Variants in RIN3 observed in about 807,000 individuals in gnomAD.
RIN3 encodes RAB5 interacting protein 3.
In RIN3, 54 loss-of-function variants were observed where a neutral mutation model predicts 76.3. That is an observed-to-expected ratio of 0.71 (90% CI 0.57 to 0.89). The LOEUF (loss-of-function observed/expected upper bound fraction) is 0.89, where lower values mean the gene tolerates loss of function less well. Among genes scored for constraint, RIN3 ranks in the 40% least tolerant of loss-of-function variants. RIN3 has a pLI of 0.00. For synonymous variants in RIN3, 576 were observed against 564.0 expected (o/e 1.02, Z -0.30); for missense variants, 1,256 against 1,322.1 (o/e 0.95, Z 0.78).
intron 6 of RIN3, among the ~76,000 whole-genome samples, chr14:92,653,487 C>T (rs905685512): frequency 1.7e-4 from 26 of 152,258 alleles, no homozygotes; most frequent in African/African-American, 5.8e-4. Context: ...CTTCCCACTG[C>T]GCTCACTCTC....
Position 92,643,023 on chromosome 14 carries a change from C to T in RIN3, c.532+1694C>T, listed in dbSNP as rs1015315956. On this transcript the variant is annotated intron_variant, in intron 5 of 9. Coordinates refer to ENST00000216487, the MANE Select transcript of RIN3 (RefSeq NM_024832.5). The surrounding 1 kb of genome is among the most constrained non-coding windows in gnomAD (Gnocchi z 4.8). Reference sequence around the variant, plus strand: ...GCTTGGATGAACCCAGGCCGTTTAGCTCCCACACCTGCCATCGTCTCATGG... The same window carrying T: ...GCTTGGATGAACCCAGGCCGTTTAGTTCCCACACCTGCCATCGTCTCATGG... Among the ~76,000 whole-genome samples, 2 of 152,122 alleles carry T rather than the reference C, an allele frequency of 1.3e-5. No individual in the cohort carries two copies. The highest frequency in any genetic ancestry group is 2.4e-5 in the African/African-American group (1 of 41,420).
At chr14:92,529,438 C>T (rs367669843) in intron 1 of RIN3, among the ~76,000 whole-genome samples, 116 of 151,998 alleles carry the variant, frequency 7.6e-4, no homozygotes, top group Middle Eastern at 6.8e-3. Flanking sequence ...TTAGTAGAGA[C>T]GGGGTTTCAC....
At chr14:92,519,737 T>A (rs990843921) in intron 1 of RIN3, among the ~76,000 whole-genome samples, 2 of 152,206 alleles carry the variant, frequency 1.3e-5, no homozygotes, top group Non-Finnish European at 2.9e-5. Context: ...GCAGTGACGC[T>A]GTGTGCCTCC....
intron 3 of RIN3, among the ~76,000 whole-genome samples, chr14:92,606,489 G>A (rs139092989): frequency 6.6e-6 from 1 of 152,262 alleles, no homozygotes; most frequent in African/African-American, 2.4e-5. Flanking sequence ...AGGCTACAGT[G>A]AGCCATGATC....
At chr14:92,552,483 G>A (rs1354915331) in intron 1 of RIN3, among the ~76,000 whole-genome samples, 2 of 152,108 alleles carry the variant, frequency 1.3e-5, no homozygotes, top group Non-Finnish European at 1.5e-5. Flanking sequence ...TTGTACATGT[G>A]GATTTAGGGC....
At chr14:92,621,220 AGC>A (rs1307981079) in intron 4 of RIN3, among the ~76,000 whole-genome samples, 1 of 98,710 alleles carries the variant, frequency 1.0e-5, no homozygotes, top group African/African-American at 4.2e-5. Flanking sequence ...TGGGTGACAG[AGC>A]GAGACTCCGT....
chr14:92,574,937 C>G (rs912764086), intron 2 of RIN3, among the ~76,000 whole-genome samples: 13 of 152,058 alleles, frequency 8.5e-5, no homozygotes, highest in Non-Finnish European at 1.5e-4. Flanking sequence ...TCAGCTCCAC[C>G]ACCTACAACC....
chr14:92,558,911 CAG>C (rs1332598028), intron 2 of RIN3, among the ~76,000 whole-genome samples: 48 of 124,776 alleles, frequency 3.8e-4, no homozygotes, highest in African/African-American at 1.4e-3. Context: ...TTTGGTGAGA[CAG>C]AGTCTTGCAG....
chr14:92,593,875 A>G (rs1484353670), intron 3 of RIN3, among the ~76,000 whole-genome samples: 1 of 152,200 alleles, frequency 6.6e-6, no homozygotes, highest in Non-Finnish European at 1.5e-5. Flanking sequence ...AGCTGATGGA[A>G]CTACAAGGAG....
chr14:92,627,357 A>T lies in RIN3; in HGVS notation c.440+11878A>T, dbSNP rs549819619. Among the ~76,000 whole-genome samples, 20 of 152,358 alleles carry T rather than the reference A, an allele frequency of 1.3e-4. No homozygotes were observed. The South Asian group carries it at 1.9e-3, about 14-fold the overall frequency. On this transcript the variant is annotated intron_variant, in intron 4 of 9. Transcript: ENST00000216487. ...AAATTAGGTCCCTCTTAGCATTGGC[A>T]TGCAGGTATAAGCCCCATGGCAGGA...
intron 4 of RIN3, among the ~76,000 whole-genome samples, chr14:92,629,074 G>A (rs550676392): frequency 4.6e-5 from 7 of 152,036 alleles, no homozygotes; most frequent in Admixed American, 6.6e-5. Context: ...AGTTGCTTTC[G>A]TATTTAGGCG....
chr14:92,521,338 G>A lies in RIN3; in HGVS notation c.44+7362G>A, dbSNP rs145740746. Among the ~76,000 whole-genome samples, 17 of 152,268 alleles carry A rather than the reference G, an allele frequency of 1.1e-4. No individual in the cohort carries two copies. The East Asian group carries it at 3.1e-3, about 28-fold the overall frequency. ...TTACTGAGCACCTGAACACCTAGGA[G>A]TTTCCAGTTTATCTACTAAGGAAAA... On this transcript the variant is annotated intron_variant, in intron 1 of 9. Coordinates refer to ENST00000216487, the MANE Select transcript of RIN3 (RefSeq NM_024832.5).
intron 1 of RIN3, among the ~76,000 whole-genome samples, chr14:92,529,914 T>C (rs1896840024): frequency 6.6e-6 from 1 of 152,204 alleles, no homozygotes; most frequent in African/African-American, 2.4e-5. Context: ...GATTATATAT[T>C]TAATTCGGTG....
intron 3 of RIN3, among the ~76,000 whole-genome samples, chr14:92,593,372 A>G (rs758071493): frequency 1.3e-4 from 20 of 152,316 alleles, no homozygotes; most frequent in Non-Finnish European, 2.1e-4. Context: ...TAAAAGAGAG[A>G]GGTTGTCAGA....
intron 7 of RIN3, among the ~76,000 whole-genome samples, chr14:92,664,364 C>CTTTTT (rs373597134): frequency 0.013 from 1,067 of 84,432 alleles, 1 homozygote; most frequent in Non-Finnish European, 0.017. Context: ...TTCTTTCTTT[C>CTTTTT]TTTTTTTTTT....
At chr14:92,651,322 A>C (rs890101126) in intron 5 of RIN3, among the ~76,000 whole-genome samples, 1 of 152,134 alleles carries the variant, frequency 6.6e-6, no homozygotes, top group Non-Finnish European at 1.5e-5. Context: ...AAGAGAACTG[A>C]AGCTGAGCTT....
intron 3 of RIN3, among the ~76,000 whole-genome samples, chr14:92,584,000 A>ACCC (rs1443196345): frequency 6.6e-6 from 1 of 152,050 alleles, no homozygotes; most frequent in Non-Finnish European, 1.5e-5. Flanking sequence ...CCCAATGCTT[A>ACCC]CCCCCTGCTG....
At chr14:92,578,387 T>C (rs1269020037) in intron 3 of RIN3, among the ~76,000 whole-genome samples, 1 of 152,170 alleles carries the variant, frequency 6.6e-6, no homozygotes, top group Non-Finnish European at 1.5e-5. Context: ...GTCACCGGGT[T>C]TGGGGCCCTT....
At chr14:92,683,131 C>T (rs1204961395) in intron 8 of RIN3, among the ~76,000 whole-genome samples, 1 of 151,838 alleles carries the variant, frequency 6.6e-6, no homozygotes, top group Non-Finnish European at 1.5e-5. Context: ...CACGCCATTG[C>T]ACTGCAGCCT....
Sources: allele counts gnomAD v4.1 joint callset (sites outside exome capture counted in the v4.1 genomes callset), GRCh38; gene constraint gnomAD v4.1.1; non-coding constraint Gnocchi (gnomAD v3.1); transcripts MANE v1.5; gene names NCBI Gene and HGNC (gene_info 2026-07-23, HGNC 2026-07-21).